The following DLGAP1 variants were observed in gnomAD, a reference collection of about 807,000 sequenced individuals.
DLGAP1 encodes disks large-associated protein 1.
Under a neutral mutation model 90.8 loss-of-function variants are expected in DLGAP1, and 11 were observed. The observed-to-expected ratio is 0.12, with a 90% CI of 0.08 to 0.20. DLGAP1 has a LOEUF of 0.20. Among genes scored for constraint, DLGAP1 ranks in the 10% least tolerant of loss-of-function variants. The pLI is 1.00. For missense variants in DLGAP1, 1,050 were observed against 1,333.8 expected, an observed-to-expected ratio of 0.79 and a Z score of 3.31; for synonymous variants, 558 against 540.7, an observed-to-expected ratio of 1.03 and a Z score of -0.44.
At chr18:4,410,286 C>T (rs2658260) in intron 1 of DLGAP1, among the ~76,000 whole-genome samples, 65,496 of 151,858 alleles carry the variant, frequency 0.43, 15,407 homozygotes, top group East Asian at 0.61. Flanking sequence ...ACCACATGTA[C>T]CCCAATAACT....
At chr18:4,327,513 C>G (rs1380385574) in intron 1 of DLGAP1, among the ~76,000 whole-genome samples, 1 of 151,956 alleles carries the variant, frequency 6.6e-6, no homozygotes, top group Non-Finnish European at 1.5e-5. Flanking sequence ...ATGGATCAAG[C>G]TTTGAGGTCT....
chr18:3,716,893 C>T (rs574285471), intron 7 of DLGAP1, among the ~76,000 whole-genome samples: 4 of 151,636 alleles, frequency 2.6e-5, no homozygotes, highest in Admixed American at 6.6e-5. Flanking sequence ...CTTTGGGAGG[C>T]GGAGGTGGGC....
chr18:3,908,437 A>T (rs980635933), intron 3 of DLGAP1, among the ~76,000 whole-genome samples: 1 of 152,180 alleles, frequency 6.6e-6, no homozygotes, highest in Non-Finnish European at 1.5e-5. Flanking sequence ...GTGATTCAAG[A>T]TCCTCATCAG....
At chr18:4,191,709 C>A (rs1003062511) in intron 1 of DLGAP1, among the ~76,000 whole-genome samples, 1 of 152,186 alleles carries the variant, frequency 6.6e-6, no homozygotes, top group Non-Finnish European at 1.5e-5. Context: ...CAGGATTCAG[C>A]TTCAATGTAA....
intron 2 of DLGAP1, among the ~76,000 whole-genome samples, chr18:4,104,882 T>A (rs1302411260): frequency 6.6e-6 from 1 of 152,228 alleles, no homozygotes; most frequent in African/African-American, 2.4e-5. Context: ...CAAAATTCTA[T>A]TAAGTTTGTC....
intron 4 of DLGAP1, among the ~76,000 whole-genome samples, chr18:3,838,055 G>A (rs1361365946): frequency 1.3e-5 from 2 of 151,992 alleles, no homozygotes; most frequent in Non-Finnish European, 2.9e-5. Context: ...ACAATGGGGA[G>A]AAGAGAGAAA....
chr18:3,551,658 C>T (rs1568179918), intron 9 of DLGAP1, among the ~76,000 whole-genome samples: 6 of 6,278 alleles, frequency 9.6e-4, no homozygotes, highest in African/African-American at 9.9e-4. Context: ...CTCTCTTTGT[C>T]TCTTTCCTTC....
At chr18:4,053,781 T>C (rs1392164107) in intron 2 of DLGAP1, among the ~76,000 whole-genome samples, 2 of 152,206 alleles carry the variant, frequency 1.3e-5, no homozygotes, top group Admixed American at 1.3e-4. Context: ...GGTAGTTCTT[T>C]ATACCAATGT....
intron 2 of DLGAP1, among the ~76,000 whole-genome samples, chr18:4,061,599 A>G (rs542913279): frequency 4.5e-4 from 68 of 152,324 alleles, no homozygotes; most frequent in Non-Finnish European, 9.3e-4. Context: ...AGGTTTTACT[A>G]AGAATTGGGT....
At chr18:4,228,261 A>T (rs62086494) in intron 1 of DLGAP1, among the ~76,000 whole-genome samples, 6,353 of 152,078 alleles carry the variant, frequency 0.042, 200 homozygotes, top group Non-Finnish European at 0.064. Flanking sequence ...TTCACTGCTG[A>T]ATGTTACCAA....
chr18:3,770,681 A>G (rs1337000218), intron 5 of DLGAP1, among the ~76,000 whole-genome samples: 1 of 152,242 alleles, frequency 6.6e-6, no homozygotes, highest in Non-Finnish European at 1.5e-5. Flanking sequence ...ACAGATTCTG[A>G]ACAGAAAGTA....
intron 11 of DLGAP1, among the ~76,000 whole-genome samples, chr18:3,505,739 C>T (rs1466392892): frequency 2.0e-5 from 3 of 151,544 alleles, no homozygotes; most frequent in South Asian, 2.1e-4. Flanking sequence ...GTGTCAGGCA[C>T]ATGTTAGGCT....
At chr18:4,375,094 G>A (rs1392274976) in intron 1 of DLGAP1, among the ~76,000 whole-genome samples, 1 of 152,044 alleles carries the variant, frequency 6.6e-6, no homozygotes, top group Non-Finnish European at 1.5e-5. Context: ...AAATTAAATT[G>A]TATTTGAGCA....
intron 9 of DLGAP1, among the ~76,000 whole-genome samples, chr18:3,556,394 T>TGAATAG (rs1346887451): frequency 6.6e-6 from 1 of 152,224 alleles, no homozygotes; most frequent in Non-Finnish European, 1.5e-5. Flanking sequence ...ATCGTTTCAC[T>TGAATAG]GCCCCAGACA....
intron 3 of DLGAP1, among the ~76,000 whole-genome samples, chr18:3,959,583 G>A (rs1340211917): frequency 6.6e-6 from 1 of 151,992 alleles, no homozygotes. Flanking sequence ...AGAATCGCTT[G>A]AACCCGGGAG....
intron 5 of DLGAP1, among the ~76,000 whole-genome samples, chr18:3,808,128 T>C (rs1009128719): frequency 5.3e-5 from 8 of 152,222 alleles, no homozygotes; most frequent in African/African-American, 1.7e-4. Flanking sequence ...TTTTTCTTTT[T>C]TAAATAAAGC....
intron 7 of DLGAP1, chr18:3,708,632 A>G: frequency 2.3e-6 from 1 of 426,642 alleles, no homozygotes; most frequent in Non-Finnish European, 4.7e-6. Flanking sequence ...GTGGCTTTAA[A>G]TTTTGGGGCA....
chr18:3,665,005 C>T (rs908718151), intron 7 of DLGAP1, among the ~76,000 whole-genome samples: 1 of 152,096 alleles, frequency 6.6e-6, no homozygotes, highest in Admixed American at 6.6e-5. Context: ...TTGTCTGTGA[C>T]GGCAGCTAAG....
At position 4,325,055 on chromosome 18, in the gene DLGAP1, A is replaced by G. The variant is rs568067470; in HGVS notation, c.-267+129951T>C. Among the ~76,000 whole-genome samples, 14 of 152,318 alleles carry G rather than the reference A, an allele frequency of 9.2e-5. No individual in the cohort carries two copies. In the South Asian group the frequency reaches 2.3e-3, roughly 25 times the overall value. On this transcript the variant is annotated intron_variant, in intron 1 of 12. Transcript: ENST00000315677. ...AGAAAGAAAAGAAATCCAAATAGGA[A>G]GAGAGAAAGTCAAACTATCCCTGTT...
Sources: gnomAD v4.1 joint callset for allele counts (sites outside exome capture counted in the v4.1 genomes callset) on GRCh38, gnomAD v4.1.1 for gene constraint, MANE v1.5 for transcripts, NCBI Gene and HGNC (gene_info 2026-07-23, HGNC 2026-07-21) for gene names.